UGT1A6: variants seen among roughly 807,000 people sequenced by gnomAD.
UGT1A6 encodes the protein UDP-glucuronosyltransferase 1A6.
Under a neutral mutation model 44.4 loss-of-function variants are expected in UGT1A6, and 32 were observed. That is an observed-to-expected ratio of 0.72 (90% confidence interval 0.54 to 0.97). The LOEUF is 0.97. Ranked by LOEUF, UGT1A6 falls within the 50% of genes least tolerant of loss-of-function variation. The probability of loss-of-function intolerance (pLI) is 0.00; values close to 1 mark genes in which losing one functional copy is unlikely to be tolerated. For synonymous variants in UGT1A6, 238 were observed against 248.5 expected (o/e 0.96, Z 0.40); for missense variants, 685 against 661.9 (o/e 1.03, Z -0.38).
chr2:233,722,557 T>C (rs910752040), intron 1 of UGT1A6, among the ~76,000 whole-genome samples: 1 of 152,244 alleles, frequency 6.6e-6, no homozygotes, highest in Non-Finnish European at 1.5e-5. Flanking sequence ...TTTTGGTTGA[T>C]TTGTAGCTGC....
intron 1 of UGT1A6, among the ~76,000 whole-genome samples, chr2:233,761,825 G>A (rs1697874860): frequency 6.6e-6 from 1 of 152,234 alleles, no homozygotes; most frequent in South Asian, 2.1e-4. Flanking sequence ...GGCTCCTTCA[G>A]ATGGAGCGTT....
chr2:233,739,854 G>A (rs1377915953), intron 1 of UGT1A6, among the ~76,000 whole-genome samples: 3 of 151,892 alleles, frequency 2.0e-5, no homozygotes, highest in Non-Finnish European at 4.4e-5. Context: ...ATGGGCCAGA[G>A]GGCAGAATGA....
At chr2:233,716,496 C>T (rs2076507073) in intron 1 of UGT1A6, among the ~76,000 whole-genome samples, 1 of 152,152 alleles carries the variant, frequency 6.6e-6, no homozygotes, top group African/African-American at 2.4e-5. Context: ...TTCTATTCTC[C>T]AGGCTTCAGA....
intron 4 of UGT1A6, chr2:233,771,715 T>C (rs1700358256): frequency 6.5e-6 from 1 of 152,904 alleles, no homozygotes; most frequent in African/African-American, 2.4e-5. Flanking sequence ...AAGGTTAAAA[T>C]ATTTCTAAAA....
chr2:233,733,427 A>G (rs1444261298), intron 1 of UGT1A6, among the ~76,000 whole-genome samples: 1 of 152,208 alleles, frequency 6.6e-6, no homozygotes, highest in Non-Finnish European at 1.5e-5. Context: ...CCTACTCAGT[A>G]TGATATTGGC....
chr2:233,719,924 C>T (rs1442690759), intron 1 of UGT1A6, among the ~76,000 whole-genome samples: 2 of 152,124 alleles, frequency 1.3e-5, no homozygotes, highest in Admixed American at 6.5e-5. Context: ...CTGTGACTCA[C>T]GGACAGTGTT....
intron 1 of UGT1A6, among the ~76,000 whole-genome samples, chr2:233,730,968 A>T (rs552248982): frequency 2.6e-5 from 4 of 152,134 alleles, no homozygotes; most frequent in East Asian, 1.9e-4. Context: ...GTACTCTGGG[A>T]CCTGAATATT....
intron 1 of UGT1A6, among the ~76,000 whole-genome samples, chr2:233,759,343 G>T (rs548174363): frequency 1.3e-5 from 2 of 152,096 alleles, no homozygotes; most frequent in Non-Finnish European, 1.5e-5. Context: ...TCAGGTGAGC[G>T]CTGAAAATCT....
At chr2:233,719,208 G>A (rs2076737405) in intron 1 of UGT1A6, 1 of 1,614,098 alleles carries the variant, frequency 6.2e-7, no homozygotes, top group African/African-American at 1.3e-5. Context: ...GTGTTGTGTG[G>A]AGCTACTGCA....
intron 3 of UGT1A6, 76 bp from the exon 4 acceptor site, chr2:233,768,144 T>C: frequency 6.2e-7 from 1 of 1,610,934 alleles, no homozygotes; most frequent in Non-Finnish European, 8.5e-7. Context: ...CTTTGGAGTG[T>C]TTTCAGAACC....
In UGT1A6 at chr2:233,692,938, C is replaced by A. The variant is rs770236705; in HGVS notation, c.-67C>A. On this transcript the variant is annotated 5_prime_UTR_variant, in exon 1 of 5. Transcript: ENST00000305139. ...AGCAGTGGTTAGTTTAGGGAAAATA[C>A]CTAGGAGCCCTGTGATTTGGAGAGT... The A allele has an allele frequency of 2.9e-5, 46 of 1,592,260 alleles. No individual in the cohort carries two copies. The highest frequency in any genetic ancestry group is 3.6e-5 in the Non-Finnish European group (42 of 1,171,754).
At chr2:233,735,687 T>C (rs1251778606) in intron 1 of UGT1A6, among the ~76,000 whole-genome samples, 1 of 152,148 alleles carries the variant, frequency 6.6e-6, no homozygotes, top group African/African-American at 2.4e-5. Flanking sequence ...CTTTAGGAGC[T>C]CTTGTAAGGC....
rs77053267 is a variant in UGT1A6, at chr2:233,743,791, C to T, written c.862-23243C>T. 1,068 of 1,367,342 alleles carry T rather than the reference C, an allele frequency of 7.8e-4. 34 individuals are homozygous for T. In the African/African-American group the frequency reaches 0.014, roughly 18 times the overall value. The allele number at this position is 1,367,342 out of a possible 1,614,324, so 84.7% of individuals were successfully genotyped here. On this transcript the variant is annotated intron_variant, in intron 1 of 4. Coordinates refer to ENST00000305139, the MANE Select transcript of UGT1A6 (RefSeq NM_001072.4). The stretch of plus-strand genomic sequence containing the variant: ...CGGCCACCTGCTTGAATCTCCTCTC[C>T]GCTTCCTCCTTGTTCTCAGGGTTTT...
chr2:233,731,753 A>G (rs950237110), intron 1 of UGT1A6, among the ~76,000 whole-genome samples: 2 of 152,194 alleles, frequency 1.3e-5, no homozygotes, highest in Non-Finnish European at 2.9e-5. Context: ...ATACGTGTGC[A>G]TGTGTCCTTA....
Position 233,772,610 on chromosome 2 carries a change from C to A in UGT1A6, c.*51C>A. 6.3e-7 allele frequency: 1 copy of A among 1,580,500 alleles called. No individual in the cohort carries two copies. Among genetic ancestry groups the A allele is most frequent in the South Asian group, 1.1e-5 (1 of 87,222 alleles). On this transcript the variant is annotated 3_prime_UTR_variant, in exon 5 of 5. Transcript: ENST00000305139. ...TTTTGAACCATTCCCTAGTCATTTC[C>A]AAACTTGAAAACAGAATCAGTGTTA...
At chr2:233,748,115 G>A in intron 1 of UGT1A6, 1 of 1,611,758 alleles carries the variant, frequency 6.2e-7, no homozygotes, top group Non-Finnish European at 8.5e-7. Context: ...CAATGTTCCA[G>A]GCAAAACAGT....
chr2:233,713,197 T>C (rs763203503), intron 1 of UGT1A6: 21 of 1,614,042 alleles, frequency 1.3e-5, no homozygotes, highest in South Asian at 8.8e-5. Flanking sequence ...AATATGTACA[T>C]CAAAGAAGAG....
At chr2:233,703,292 T>G (rs1176521363) in intron 1 of UGT1A6, among the ~76,000 whole-genome samples, 1 of 151,522 alleles carries the variant, frequency 6.6e-6, no homozygotes, top group African/African-American at 2.4e-5. Context: ...GGTAGTAACA[T>G]TCCCTCTTTC....
intron 1 of UGT1A6, among the ~76,000 whole-genome samples, chr2:233,697,486 T>G (rs1423880870): frequency 6.6e-6 from 1 of 151,808 alleles, no homozygotes; most frequent in Non-Finnish European, 1.5e-5. Context: ...GCTCAAGGTT[T>G]GCCAATTTTG....
Sources: allele counts gnomAD v4.1 joint callset (sites outside exome capture counted in the v4.1 genomes callset), GRCh38; gene constraint gnomAD v4.1.1; transcripts MANE v1.5; gene names NCBI Gene and HGNC (gene_info 2026-07-23, HGNC 2026-07-21).